FAM151B: variants seen among roughly 807,000 people sequenced by gnomAD.
The protein encoded by FAM151B is family with sequence similarity 151 member B, also known as protein FAM151B.
FAM151B carries 24 observed loss-of-function variants against 31.2 expected under a neutral mutation model. The ratio of observed to expected loss-of-function variants is 0.77; its 90% CI spans 0.56 to 1.08. The LOEUF is 1.08. Ranked by LOEUF, FAM151B falls within the 50% of genes least tolerant of loss-of-function variation. FAM151B has a pLI of 0.00. For synonymous variants in FAM151B, 105 were observed against 111.4 expected (o/e 0.94, Z 0.36); for missense variants, 293 against 328.6 (o/e 0.89, Z 0.84).
chr5:80,528,969 T>C (rs569697721), intron 5 of FAM151B, among the ~76,000 whole-genome samples: 1 of 152,268 alleles, frequency 6.6e-6, no homozygotes, highest in East Asian at 1.9e-4. Context: ...TATTCCAAAA[T>C]TGACCACATA....
intron 2 of FAM151B, among the ~76,000 whole-genome samples, chr5:80,508,464 G>A (rs2045481190): frequency 1.3e-5 from 2 of 151,328 alleles, no homozygotes; most frequent in Admixed American, 1.3e-4. Flanking sequence ...TTTAATTATA[G>A]CCAGCTAAGT....
intron 5 of FAM151B, among the ~76,000 whole-genome samples, chr5:80,529,166 A>G (rs1396587803): frequency 6.6e-6 from 1 of 152,220 alleles, no homozygotes; most frequent in East Asian, 1.9e-4. Flanking sequence ...GAAGGCAGAA[A>G]TAAAGATGTT....
In FAM151B at chr5:80,539,640, C is replaced by T. The variant is rs150254811; in HGVS notation, c.672-2033C>T. Among the ~76,000 whole-genome samples, 1,412 of 152,044 alleles carry T rather than the reference C, an allele frequency of 9.3e-3. 29 individuals carry two copies. Among genetic ancestry groups the T allele is most frequent in the African/African-American group, 0.032 (1,348 of 41,486 alleles). On this transcript the variant is annotated intron_variant, in intron 5 of 5. Coordinates refer to ENST00000282226, the MANE Select transcript of FAM151B (RefSeq NM_205548.3). ...CCGAGTTAATGGGACTACAGGCGTG[C>T]GCCACCACACCCAGATAATTTTTTG... is the stretch of plus-strand genomic sequence containing the variant.
chr5:80,499,140 G>A (rs1359597174), intron 1 of FAM151B, among the ~76,000 whole-genome samples: 3 of 152,136 alleles, frequency 2.0e-5, no homozygotes, highest in African/African-American at 7.2e-5. Flanking sequence ...CTTAATAAAT[G>A]TTTGAAGCAT....
intron 5 of FAM151B, among the ~76,000 whole-genome samples, chr5:80,524,294 C>A (rs888821265): frequency 1.3e-5 from 2 of 151,876 alleles, no homozygotes; most frequent in Non-Finnish European, 2.9e-5. Context: ...ATATTTTTTT[C>A]ATTTTTGATG....
rs1272983584 is a variant in FAM151B at position 80,541,777 on chromosome 5, T to C, written c.776T>C (p.Leu259Ser). 2.5e-6 allele frequency: 4 copies of C among 1,613,694 alleles called. No individual in the cohort carries two copies. Among genetic ancestry groups the C allele is most frequent in the Non-Finnish European group, 3.4e-6 (4 of 1,179,782 alleles). Residue 259 changes from leucine to serine, a missense_variant, in exon 6 of 6, where the codon TTG (leucine) becomes TCG (serine). By Grantham distance (145) the Leu-to-Ser change is moderately radical (BLOSUM62 -2). Coordinates refer to ENST00000282226, the MANE Select transcript of FAM151B (RefSeq NM_205548.3). Reference protein sequence around the residue: ...FDKKQVFYDILEPQNHEFKQA... With the variant: ...FDKKQVFYDISEPQNHEFKQA... ...AAAAAACAAGTTTTCTATGACATCT[T>C]GGAACCACAAAACCATGAATTTAAA... is the stretch of plus-strand genomic sequence containing the variant.
intron 1 of FAM151B, among the ~76,000 whole-genome samples, chr5:80,495,849 A>G (rs1313554393): frequency 6.6e-6 from 1 of 150,994 alleles, no homozygotes. Flanking sequence ...AAAAAAAAAA[A>G]AAAAAAAAAA....
chr5:80,539,578 A>G (rs1009991143), intron 5 of FAM151B, among the ~76,000 whole-genome samples: 1 of 152,022 alleles, frequency 6.6e-6, no homozygotes, highest in Non-Finnish European at 1.5e-5. Flanking sequence ...TGCAACCTCC[A>G]CCTCCAAGTC....
At position 80,533,270 on chromosome 5, in the gene FAM151B, G is replaced by A. The variant is rs538867295; in HGVS notation, c.672-8403G>A. Among the ~76,000 whole-genome samples, 5 of 151,868 alleles carry A rather than the reference G, an allele frequency of 3.3e-5. No individual in the cohort carries two copies. The South Asian group carries it at 6.3e-4, about 19-fold the overall frequency. ...CGGGTGCCTGTAGTCCCAGCTACTC[G>A]GGAGGCTGAGGCAGGAGAATGGTGT... On this transcript the variant is annotated intron_variant, in intron 5 of 5. Coordinates refer to ENST00000282226, the MANE Select transcript of FAM151B (RefSeq NM_205548.3).
At chr5:80,502,138 G>A (rs986618741) in intron 2 of FAM151B, among the ~76,000 whole-genome samples, 1 of 152,032 alleles carries the variant, frequency 6.6e-6, no homozygotes, top group African/African-American at 2.4e-5. Flanking sequence ...AAACAAAGGT[G>A]TAATCACAGC....
At chr5:80,494,640 G>A (rs1743464831) in intron 1 of FAM151B, among the ~76,000 whole-genome samples, 2 of 151,440 alleles carry the variant, frequency 1.3e-5, no homozygotes, top group South Asian at 2.1e-4. Flanking sequence ...AGCCCCCCAA[G>A]TAGCTGGAAC....
intron 5 of FAM151B, among the ~76,000 whole-genome samples, chr5:80,538,498 C>T (rs1193838588): frequency 0.013 from 1,595 of 122,482 alleles, 159 homozygotes; most frequent in African/African-American, 0.046. Flanking sequence ...TTCCTTCCTT[C>T]CTTTCTTTTC....
intron 3 of FAM151B, among the ~76,000 whole-genome samples, chr5:80,515,885 C>T (rs1744423964): frequency 6.6e-6 from 1 of 152,322 alleles, no homozygotes; most frequent in Middle Eastern, 3.4e-3. Context: ...AACTAGAGAG[C>T]TGTCAGCCTG....
chr5:80,520,678 A>ATG (rs1237685456), intron 4 of FAM151B, among the ~76,000 whole-genome samples: 4 of 140,926 alleles, frequency 2.8e-5, no homozygotes, highest in African/African-American at 8.6e-5. Flanking sequence ...ATATATATAT[A>ATG]TGTGTGTGTA....
intron 2 of FAM151B, 131 bp downstream of exon 2, chr5:80,502,048 TTTTA>T: frequency 2.7e-6 from 1 of 367,866 alleles, no homozygotes; most frequent in Non-Finnish European, 4.6e-6. Flanking sequence ...GACATGAGTA[TTTTA>T]TTTATTTTTA....
intron 1 of FAM151B, among the ~76,000 whole-genome samples, chr5:80,492,326 T>A (rs1743363161): frequency 6.6e-6 from 1 of 152,196 alleles, no homozygotes; most frequent in South Asian, 2.1e-4. Flanking sequence ...TTATATTTAT[T>A]ATGGTGATCT....
At chr5:80,497,150 G>A (rs1365453047) in intron 1 of FAM151B, among the ~76,000 whole-genome samples, 1 of 151,724 alleles carries the variant, frequency 6.6e-6, no homozygotes, top group South Asian at 2.1e-4. Flanking sequence ...AAAAGGCCAG[G>A]CACGGTGGCT....
At chr5:80,490,019 T>TACACAC (rs71601587) in intron 1 of FAM151B, among the ~76,000 whole-genome samples, 7,712 of 144,612 alleles carry the variant, frequency 0.053, 316 homozygotes, top group African/African-American at 0.1. Context: ...TTTTCCCCCT[T>TACACAC]ACACACACAC....
intron 2 of FAM151B, among the ~76,000 whole-genome samples, chr5:80,504,014 G>A (rs1743849250): frequency 6.6e-6 from 1 of 152,230 alleles, no homozygotes; most frequent in African/African-American, 2.4e-5. Context: ...TGTGTCTCCA[G>A]GCCAGGTCTC....
Sources: gnomAD v4.1 joint callset for allele counts (sites outside exome capture counted in the v4.1 genomes callset) on GRCh38, gnomAD v4.1.1 for gene constraint, MANE v1.5 for transcripts, NCBI Gene and HGNC (gene_info 2026-07-23, HGNC 2026-07-21) for gene names.